Variants in SLC38A8 observed in about 807,000 individuals in gnomAD.
SLC38A8 encodes amino acid transporter SLC38A8.
A neutral mutation model predicts 46.0 loss-of-function variants in SLC38A8; 65 were observed. The observed-to-expected ratio is 1.41, with a 90% CI of 1.16 to 1.74. SLC38A8 has a LOEUF of 1.74. SLC38A8 is among the 40% of genes most tolerant of loss of function. The probability of loss-of-function intolerance (pLI) is 0.00; values close to 1 mark genes in which losing one functional copy is unlikely to be tolerated. For missense variants in SLC38A8, 998 were observed against 567.9 expected, an observed-to-expected ratio of 1.76 and a Z score of -7.70; for synonymous variants, 447 against 243.7, an observed-to-expected ratio of 1.83 and a Z score of -7.77.
chr16:84,042,933 G>A (rs940260472), upstream of SLC38A8, among the ~76,000 whole-genome samples: 1 of 152,170 alleles, frequency 6.6e-6, no homozygotes, highest in Admixed American at 6.5e-5. Flanking sequence ...GGAGCCACAC[G>A]GGGCAGGGGA....
chr16:84,038,680 G>A (rs13330174), intron 2 of SLC38A8, among the ~76,000 whole-genome samples: 15 of 152,158 alleles, frequency 9.9e-5, no homozygotes, highest in Non-Finnish European at 1.9e-4. Flanking sequence ...ACCCACAGGC[G>A]GAACATCGCC....
chr16:84,014,175 G>A (rs963726405), intron 9 of SLC38A8, among the ~76,000 whole-genome samples: 15 of 149,886 alleles, frequency 1.0e-4, no homozygotes, highest in African/African-American at 2.7e-4. Flanking sequence ...CCTCACCTCT[G>A]AAAGCCCCGC....
intron 10 of SLC38A8, among the ~76,000 whole-genome samples, chr16:84,010,451 G>C (rs533469275): frequency 2.0e-5 from 3 of 152,132 alleles, no homozygotes; most frequent in Admixed American, 6.5e-5. Context: ...CAAATAAAAA[G>C]ACATGGGGGC....
At chr16:84,037,801 C>T (rs2085318400) in intron 2 of SLC38A8, among the ~76,000 whole-genome samples, 1 of 118,376 alleles carries the variant, frequency 8.4e-6, no homozygotes, top group Admixed American at 9.2e-5. Context: ...TCTATTTCAG[C>T]TTCAATTTTT....
chr16:84,025,059 G>A (rs2085145596), intron 6 of SLC38A8, among the ~76,000 whole-genome samples: 1 of 152,162 alleles, frequency 6.6e-6, no homozygotes, highest in Non-Finnish European at 1.5e-5. Context: ...CCCTGGGTGG[G>A]TCGTGGACAT....
chr16:84,032,971 G>T (rs539391632), intron 4 of SLC38A8, among the ~76,000 whole-genome samples: 4 of 138,622 alleles, frequency 2.9e-5, no homozygotes, highest in African/African-American at 9.4e-5. Flanking sequence ...GGTGTGCATG[G>T]GGGGGTGTGG....
At chr16:84,014,544 C>A (rs1168009445) in intron 9 of SLC38A8, among the ~76,000 whole-genome samples, 1 of 151,926 alleles carries the variant, frequency 6.6e-6, no homozygotes, top group African/African-American at 2.4e-5. Context: ...GGCCACACCC[C>A]TCTCCTCTCT....
At chr16:84,033,278 A>C (rs370987621) in intron 4 of SLC38A8, 50 bp downstream of exon 4, 1 of 1,613,056 alleles carries the variant, frequency 6.2e-7, no homozygotes, top group East Asian at 2.2e-5. Context: ...ACCCTGACAC[A>C]AACACTCAGC....
rs761753361 is a variant in SLC38A8 at position 84,031,983 on chromosome 16, G to T, written c.531-15C>A. On this transcript the variant is annotated splice_polypyrimidine_tract_variant and intron_variant, in intron 4 of 10. Transcript: ENST00000299709. ...TGCCTAGGATGCTAACACAGTGACC[G>T]TGTGAGGGGCTGCGCAGTGGGTGAC... 3.1e-6 allele frequency: 5 copies of T among 1,610,368 alleles called. No individual in the cohort carries two copies. In the African/African-American group the frequency reaches 4.0e-5, roughly 13 times the overall value.
intron 9 of SLC38A8, among the ~76,000 whole-genome samples, chr16:84,013,875 C>T (rs1418023767): frequency 1.3e-5 from 2 of 152,334 alleles, no homozygotes; most frequent in East Asian, 3.9e-4. Flanking sequence ...AACTGGCCAC[C>T]TGGTCACAGC....
At chr16:84,013,676 G>A (rs1017887802) in intron 9 of SLC38A8, among the ~76,000 whole-genome samples, 15 of 150,982 alleles carry the variant, frequency 9.9e-5, no homozygotes, top group Admixed American at 2.0e-4. Context: ...TGATCCGCCC[G>A]CCTTGGCCTC....
intron 2 of SLC38A8, among the ~76,000 whole-genome samples, chr16:84,037,806 A>ATTTT (rs376247461): frequency 0.21 from 21,880 of 101,924 alleles, 3,519 homozygotes; most frequent in African/African-American, 0.4. Context: ...TTCAGCTTCA[A>ATTTT]TTTTTTTTTT....
rs149953508 is a variant in SLC38A8, at chr16:84,037,142, G to T, written c.190-242C>A. Reference sequence around the variant, plus strand: ...GGCAGGCTCACTGGCTCTAGGCTGTGAACCTGGGAATCTGACACCATCCTG... The same window carrying T: ...GGCAGGCTCACTGGCTCTAGGCTGTTAACCTGGGAATCTGACACCATCCTG... On this transcript the variant is annotated intron_variant, in intron 2 of 10. Coordinates refer to ENST00000299709, the MANE Select transcript of SLC38A8 (RefSeq NM_001080442.3). Among the ~76,000 whole-genome samples the T allele has an allele frequency of 5.8e-3, 882 of 152,344 alleles. 4 individuals carry two copies. The highest frequency in any genetic ancestry group is 0.011 in the South Asian group (55 of 4,830).
intron 2 of SLC38A8, among the ~76,000 whole-genome samples, chr16:84,038,939 A>T (rs567252854): frequency 6.6e-5 from 10 of 152,366 alleles, no homozygotes; most frequent in African/African-American, 1.9e-4. Context: ...GAGCCTGTGA[A>T]CGTGACTTAC....
At chr16:84,015,700 C>G (rs888953511) in intron 9 of SLC38A8, among the ~76,000 whole-genome samples, 2 of 152,100 alleles carry the variant, frequency 1.3e-5, no homozygotes, top group East Asian at 3.9e-4. Context: ...CTACCAGGGA[C>G]TAGGTAATGG....
At chr16:84,025,935 C>A (rs1037124880) in intron 6 of SLC38A8, among the ~76,000 whole-genome samples, 24 of 152,202 alleles carry the variant, frequency 1.6e-4, no homozygotes, top group Admixed American at 1.5e-3. Context: ...CCTCCTGCAC[C>A]CCCGCAGCAC....
chr16:84,018,207 G>A (rs888909304), intron 7 of SLC38A8, among the ~76,000 whole-genome samples: 3 of 145,594 alleles, frequency 2.1e-5, no homozygotes, highest in African/African-American at 7.7e-5. Flanking sequence ...GATGAGCTCT[G>A]ACTCAGCCCT....
At chr16:84,023,402 T>G (rs1262099102) in intron 6 of SLC38A8, among the ~76,000 whole-genome samples, 1 of 152,040 alleles carries the variant, frequency 6.6e-6, no homozygotes, top group African/African-American at 2.4e-5. Context: ...AAAGTAAAAT[T>G]ACTTTGCTAA....
intron 3 of SLC38A8, among the ~76,000 whole-genome samples, chr16:84,034,279 C>G (rs1330631264): frequency 6.6e-6 from 1 of 152,238 alleles, no homozygotes; most frequent in Non-Finnish European, 1.5e-5. Context: ...CCACACATTG[C>G]TGGACAAAGC....
Sources: allele counts gnomAD v4.1 joint callset (sites outside exome capture counted in the v4.1 genomes callset), GRCh38; gene constraint gnomAD v4.1.1; transcripts MANE v1.5; gene names NCBI Gene and HGNC (gene_info 2026-07-23, HGNC 2026-07-21).